AFDN: variants seen among roughly 807,000 people sequenced by gnomAD.
AFDN encodes the protein afadin, adherens junction formation factor, also known as afadin.
AFDN carries 68 observed loss-of-function variants against 216.6 expected under a neutral mutation model. The ratio of observed to expected loss-of-function variants is 0.31; its 90% CI spans 0.26 to 0.38. The LOEUF (loss-of-function observed/expected upper bound fraction) is 0.38, where lower values mean the gene tolerates loss of function less well. Ranked by LOEUF, AFDN falls within the 10% of genes least tolerant of loss-of-function variation. AFDN has a pLI of 1.00. For synonymous variants in AFDN, 868 were observed against 853.7 expected (o/e 1.02, Z -0.29); for missense variants, 2,136 against 2,342.0 (o/e 0.91, Z 1.82).
At chr6:167,960,859 A>G (rs1423267034) in intron 30 of AFDN, among the ~76,000 whole-genome samples, 1 of 152,190 alleles carries the variant, frequency 6.6e-6, no homozygotes, top group African/African-American at 2.4e-5. Context: ...CAGTCATCCT[A>G]ACATCCCTCT....
intron 1 of AFDN, among the ~76,000 whole-genome samples, chr6:167,838,472 ACT>A (rs1780695978): frequency 6.6e-6 from 1 of 151,886 alleles, no homozygotes; most frequent in Admixed American, 6.6e-5. Flanking sequence ...ACTCTTGGAG[ACT>A]CTGGTTCTCC....
At chr6:167,947,389 C>G (rs994720264) in intron 27 of AFDN, among the ~76,000 whole-genome samples, 7 of 152,130 alleles carry the variant, frequency 4.6e-5, no homozygotes, top group Admixed American at 3.9e-4. Flanking sequence ...CCATGTTAGC[C>G]AGGATGGTCT....
intron 23 of AFDN, among the ~76,000 whole-genome samples, chr6:167,937,595 T>A (rs76171679): frequency 6.6e-6 from 1 of 152,126 alleles, no homozygotes; most frequent in African/African-American, 2.4e-5. Flanking sequence ...ACAAACAGAT[T>A]TTATAAATTC....
At chr6:167,891,402 GGGGTGGGTGT>G (rs962479091) in intron 8 of AFDN, among the ~76,000 whole-genome samples, 23 of 101,382 alleles carry the variant, frequency 2.3e-4, no homozygotes, top group African/African-American at 7.9e-4. Flanking sequence ...ATTTCATAAA[GGGGTGGGTGT>G]GTGTGTGTGT....
chr6:167,831,506 A>C (rs1779829770), intron 1 of AFDN, among the ~76,000 whole-genome samples: 1 of 152,198 alleles, frequency 6.6e-6, no homozygotes, highest in African/African-American at 2.4e-5. Context: ...AGTCATCTTA[A>C]GTTGAAACTA....
intron 8 of AFDN, among the ~76,000 whole-genome samples, chr6:167,893,067 C>A (rs749625107): frequency 1.3e-4 from 20 of 152,124 alleles, no homozygotes; most frequent in Non-Finnish European, 2.4e-4. Flanking sequence ...TGCCTCTAGT[C>A]CCGACTTCTC....
chr6:167,881,287 G>T (rs1014760954), intron 6 of AFDN, among the ~76,000 whole-genome samples: 1 of 152,190 alleles, frequency 6.6e-6, no homozygotes, highest in Non-Finnish European at 1.5e-5. Flanking sequence ...AAAAACTAGT[G>T]ATTTGAAGCT....
At chr6:167,900,609 A>G (rs755897048) in intron 11 of AFDN, among the ~76,000 whole-genome samples, 2 of 152,212 alleles carry the variant, frequency 1.3e-5, no homozygotes, top group Non-Finnish European at 2.9e-5. Context: ...TTGGTGGGAA[A>G]AGTTAAAGAA....
chr6:167,845,850 T>A (rs1321714811), intron 1 of AFDN, among the ~76,000 whole-genome samples: 1 of 152,148 alleles, frequency 6.6e-6, no homozygotes, highest in Non-Finnish European at 1.5e-5. Flanking sequence ...GGAAAGAAGT[T>A]TAGTTGAATC....
intron 8 of AFDN, among the ~76,000 whole-genome samples, chr6:167,892,516 A>G (rs1001540432): frequency 6.6e-6 from 1 of 152,212 alleles, no homozygotes; most frequent in Non-Finnish European, 1.5e-5. Flanking sequence ...TGAGGATCTA[A>G]GAGTGTTGAG....
chr6:167,826,729 G>A (rs1296612166), upstream of AFDN: 4 of 395,508 alleles, frequency 1.0e-5, no homozygotes, highest in African/African-American at 2.1e-5. Context: ...CGGAACCCTA[G>A]CACCGCGCGG....
In AFDN at chr6:167,952,031, G is replaced by A. The variant is rs1426444472; in HGVS notation, c.4677G>A (p.Glu1559=). 1 of 1,614,206 alleles carries A rather than the reference G, an allele frequency of 6.2e-7. No homozygotes were observed. Among genetic ancestry groups the A allele is most frequent in the Non-Finnish European group, 8.5e-7 (1 of 1,180,024 alleles). ...AGAGCAAACCGGACCGCAGCGCCGA[G>A]GAGAGCGACCGGCTGCGCAAGCTCA... ...ELQSKPDRSA[E]ESDRLRKLML... is the part of the protein sequence containing the mutation. The change falls in exon 30 of 34, where the codon GAG becomes GAA. Residue 1559 remains glutamate, a synonymous_variant. Coordinates refer to ENST00000683244, the MANE Select transcript of AFDN (RefSeq NM_001386888.1).
At chr6:167,856,198 A>C (rs1398476083) in intron 1 of AFDN, among the ~76,000 whole-genome samples, 2 of 152,160 alleles carry the variant, frequency 1.3e-5, no homozygotes, top group Admixed American at 6.5e-5. Context: ...TAAGGGCCAC[A>C]AAATGCAAGA....
intron 30 of AFDN, among the ~76,000 whole-genome samples, chr6:167,958,596 G>C (rs1481510458): frequency 4.6e-5 from 7 of 152,164 alleles, no homozygotes; most frequent in African/African-American, 1.2e-4. Context: ...TCCCCCTTGG[G>C]GTAATAATAC....
chr6:167,922,579 T>G (rs1791969814), intron 21 of AFDN, among the ~76,000 whole-genome samples: 1 of 152,212 alleles, frequency 6.6e-6, no homozygotes, highest in Non-Finnish European at 1.5e-5. Flanking sequence ...ACAAGGCTAT[T>G]TGGTAATTTC....
At chr6:167,935,153 C>G (rs1292532653) in intron 23 of AFDN, among the ~76,000 whole-genome samples, 1 of 152,066 alleles carries the variant, frequency 6.6e-6, no homozygotes, top group African/African-American at 2.4e-5. Flanking sequence ...CTCTCCTCTC[C>G]CTCGTTAGTC....
chr6:167,886,148 T>C (rs1021493634), intron 6 of AFDN, among the ~76,000 whole-genome samples: 7 of 151,974 alleles, frequency 4.6e-5, no homozygotes, highest in Non-Finnish European at 1.0e-4. Flanking sequence ...ACAGTGAACA[T>C]GTGTTATTCA....
At position 167,864,694 on chromosome 6, in the gene AFDN, G is replaced by A; in HGVS notation, c.249G>A (p.Met83Ile). 1 of 1,614,184 alleles carries A rather than the reference G, an allele frequency of 6.2e-7. No individual in the cohort carries two copies. Among genetic ancestry groups the A allele is most frequent in the Non-Finnish European group, 8.5e-7 (1 of 1,180,030 alleles). ...TCGCGGAGAAATTTCGACCTGATATGCGAATGCTGTCCTCTCCCAAGTATT... is the reference window on the plus strand; with the variant it reads ...TCGCGGAGAAATTTCGACCTGATATACGAATGCTGTCCTCTCCCAAGTATT... ...ETLAEKFRPD[M>I]RMLSSPKYSL... Residue 83 changes from methionine (M) to isoleucine (I), a missense_variant, in exon 2 of 34, where the codon ATG becomes ATA. Physicochemically the swap from Met to Ile is conservative, Grantham distance 10 (BLOSUM62 1). Around this residue, in one of 8 missense-constraint regions of AFDN, gnomAD observed 817 missense variants for 965.7 expected, o/e 0.85. Transcript: ENST00000683244.
intron 1 of AFDN, among the ~76,000 whole-genome samples, chr6:167,843,311 T>C (rs1781285518): frequency 6.6e-6 from 1 of 152,146 alleles, no homozygotes; most frequent in Non-Finnish European, 1.5e-5. Flanking sequence ...CTCCCTACAA[T>C]ATGAGAAGAA....
Sources: gnomAD v4.1 joint callset for allele counts (sites outside exome capture counted in the v4.1 genomes callset) on GRCh38, gnomAD v4.1.1 for gene constraint, gnomAD v4.1.1 regional missense constraint, MANE v1.5 for transcripts, NCBI Gene and HGNC (gene_info 2026-07-23, HGNC 2026-07-21) for gene names.